Variants in UGT1A5 observed in about 807,000 individuals in gnomAD.
UGT1A5 encodes the protein UDP glucuronosyltransferase family 1 member A5, also known as UDP-glucuronosyltransferase 1A5.
A neutral mutation model predicts 40.3 loss-of-function variants in UGT1A5; 29 were observed. The ratio of observed to expected loss-of-function variants is 0.72; its 90% CI spans 0.54 to 0.98. The LOEUF is 0.98. Ranked by LOEUF, UGT1A5 falls within the 50% of genes least tolerant of loss-of-function variation. The probability of loss-of-function intolerance (pLI) is 0.00; values close to 1 mark genes in which losing one functional copy is unlikely to be tolerated. For missense variants in UGT1A5, 678 were observed against 677.9 expected (o/e 1.00, Z 0.00); for synonymous variants, 257 against 262.5 (o/e 0.98, Z 0.20).
chr2:233,750,987 C>A (rs140441181), intron 1 of UGT1A5, among the ~76,000 whole-genome samples: 5 of 151,730 alleles, frequency 3.3e-5, no homozygotes, highest in African/African-American at 1.2e-4. Context: ...TGTGAGAAGG[C>A]GGCCACCATC....
rs111385892 is a variant in UGT1A5, at chr2:233,757,128, A to T, written c.868-9906A>T. Among the ~76,000 whole-genome samples the T allele has an allele frequency of 1.2e-3, 185 of 151,286 alleles. 2 individuals carry two copies. The highest frequency in any genetic ancestry group is 4.0e-3 in the African/African-American group (165 of 41,200). On this transcript the variant is annotated intron_variant, in intron 1 of 4. Transcript: ENST00000373414. Reference sequence around the variant, plus strand: ...CAAGCAGAAGGGCTAGAGAGGAGGAATGAGCTTGGACAGGTGGGCTGGGGT... The same window carrying T: ...CAAGCAGAAGGGCTAGAGAGGAGGATTGAGCTTGGACAGGTGGGCTGGGGT...
intron 1 of UGT1A5, among the ~76,000 whole-genome samples, chr2:233,744,427 T>C (rs1221651523): frequency 2.0e-5 from 3 of 151,848 alleles, no homozygotes; most frequent in East Asian, 1.9e-4. Flanking sequence ...GTGGATTATA[T>C]CTATCATACG....
chr2:233,759,959 G>A (rs149939396), intron 1 of UGT1A5, among the ~76,000 whole-genome samples: 41 of 152,230 alleles, frequency 2.7e-4, no homozygotes, highest in African/African-American at 8.9e-4. Context: ...CTACATAGTC[G>A]TCCTTCTTCC....
intron 1 of UGT1A5, among the ~76,000 whole-genome samples, chr2:233,739,668 T>C (rs1477304196): frequency 6.6e-6 from 1 of 152,244 alleles, no homozygotes; most frequent in Non-Finnish European, 1.5e-5. Context: ...CATTGTGTCT[T>C]GGAAGTTACT....
At chr2:233,747,074 A>T (rs1478196307) in intron 1 of UGT1A5, 1 of 1,039,396 alleles carries the variant, frequency 9.6e-7, no homozygotes, top group Non-Finnish European at 1.3e-6. Flanking sequence ...GGTAATAATT[A>T]ACTAGGAGGA....
chr2:233,747,214 A>T, intron 1 of UGT1A5: 1 of 1,605,452 alleles, frequency 6.2e-7, no homozygotes, highest in Non-Finnish European at 8.5e-7. Flanking sequence ...TTCTGCTGAG[A>T]TGGCCACAGG....
chr2:233,772,846 T>C lies in UGT1A5; in HGVS notation c.*287T>C, dbSNP rs1314535454. ...AGGCTGGCATTCTAGATTACTTTTCTTACTCTGAAACATGGCCTGTTTGGG... is the reference window on the plus strand; with the variant it reads ...AGGCTGGCATTCTAGATTACTTTTCCTACTCTGAAACATGGCCTGTTTGGG... On this transcript the variant is annotated 3_prime_UTR_variant, in exon 5 of 5. Transcript: ENST00000373414. 2 of 808,282 alleles carry C rather than the reference T, an allele frequency of 2.5e-6. No individual in the cohort carries two copies. Among genetic ancestry groups the C allele is most frequent in the Non-Finnish European group, 3.5e-6 (2 of 570,582 alleles). 50.1% of individuals were successfully genotyped at this position (808,282 alleles called of 1,614,324 possible). A position where few individuals can be genotyped will look rare whatever the true frequency, so the allele number is the denominator to read the frequency against.
chr2:233,747,491 G>A, intron 1 of UGT1A5: 2 of 1,608,968 alleles, frequency 1.2e-6, no homozygotes, highest in South Asian at 2.2e-5. Flanking sequence ...ATCGCCTTGT[G>A]CTGGGCCACA....
At chr2:233,717,172 G>A (rs557885764) in intron 1 of UGT1A5, among the ~76,000 whole-genome samples, 1 of 152,170 alleles carries the variant, frequency 6.6e-6, no homozygotes, top group Non-Finnish European at 1.5e-5. Context: ...CTTGAATGTG[G>A]CAAGAGCACC....
intron 1 of UGT1A5, among the ~76,000 whole-genome samples, chr2:233,722,693 G>A (rs969109813): frequency 2.0e-5 from 3 of 151,938 alleles, no homozygotes; most frequent in Admixed American, 1.3e-4. Context: ...TCTTTTCATT[G>A]CTTTTAGATA....
At chr2:233,753,567 A>C (rs1321356357) in intron 1 of UGT1A5, 2 of 152,130 alleles carry the variant, frequency 1.3e-5, no homozygotes, top group African/African-American at 4.8e-5. Context: ...AGAAGATGGG[A>C]CCCTTTGTGA....
chr2:233,766,494 G>T (rs1250106940), intron 1 of UGT1A5, among the ~76,000 whole-genome samples: 2 of 152,182 alleles, frequency 1.3e-5, no homozygotes, highest in Non-Finnish European at 2.9e-5. Flanking sequence ...GGCGTGGCAG[G>T]CCAGGGTGGT....
At position 233,755,093 on chromosome 2, in the gene UGT1A5, C is replaced by T. The variant is rs566230339; in HGVS notation, c.868-11941C>T. 8.2e-6 allele frequency: 11 copies of T among 1,335,068 alleles called. No individual in the cohort carries two copies. The East Asian group carries it at 3.7e-4, about 44-fold the overall frequency. The allele number at this position is 1,335,068 out of a possible 1,614,324, so 82.7% of individuals were successfully genotyped here. A position where few individuals can be genotyped will look rare whatever the true frequency, so the allele number is the denominator to read the frequency against. ...AGCGGTCATAGATATCGCGTTTCTA[C>T]GCGTCCGACAACACCTCGTAGGCCT... On this transcript the variant is annotated intron_variant, in intron 1 of 4. Transcript: ENST00000373414.
rs188435252 is a variant in UGT1A5 at position 233,751,450 on chromosome 2, T to A, written c.868-15584T>A. Among the ~76,000 whole-genome samples the A allele has an allele frequency of 9.0e-3, 1,372 of 152,108 alleles. 30 individuals carry two copies. The highest frequency in any genetic ancestry group is 0.031 in the African/African-American group (1,290 of 41,366). ...GAAATGAGTTAAGACTTTGGAAGAT[T>A]GTTGGGAAGGCACGATTGGTTTTGA... On this transcript the variant is annotated intron_variant, in intron 1 of 4. Coordinates refer to ENST00000373414, the MANE Select transcript of UGT1A5 (RefSeq NM_019078.2).
chr2:233,735,959 A>G (rs1268805881), intron 1 of UGT1A5, among the ~76,000 whole-genome samples: 1 of 151,776 alleles, frequency 6.6e-6, no homozygotes, highest in Non-Finnish European at 1.5e-5. Flanking sequence ...CCTTCATTTC[A>G]ACTTTGGTGA....
chr2:233,770,939 G>A (rs923528747), intron 4 of UGT1A5: 1 of 152,144 alleles, frequency 6.6e-6, no homozygotes, highest in African/African-American at 2.4e-5. Context: ...TTGGCTGCCG[G>A]GGGAACCTCA....
At chr2:233,732,132 GT>G (rs869109259) in intron 1 of UGT1A5, among the ~76,000 whole-genome samples, 1 of 57,612 alleles carries the variant, frequency 1.7e-5, no homozygotes, top group African/African-American at 9.7e-5. Context: ...TGATGAGGTT[GT>G]TTGTTTGTTT....
At chr2:233,749,908 A>G (rs1325539824) in intron 1 of UGT1A5, among the ~76,000 whole-genome samples, 1 of 151,938 alleles carries the variant, frequency 6.6e-6, no homozygotes, top group African/African-American at 2.4e-5. Flanking sequence ...AGCCACCTGG[A>G]ACTGTGAGTC....
At chr2:233,722,834 TAAG>T (rs1329542867) in intron 1 of UGT1A5, among the ~76,000 whole-genome samples, 1 of 146,008 alleles carries the variant, frequency 6.8e-6, no homozygotes, top group Non-Finnish European at 1.5e-5. Flanking sequence ...TGTATTATAA[TAAG>T]AATGTTTCTT....
Sources: gnomAD v4.1 joint callset for allele counts (sites outside exome capture counted in the v4.1 genomes callset) on GRCh38, gnomAD v4.1.1 for gene constraint, MANE v1.5 for transcripts, NCBI Gene and HGNC (gene_info 2026-07-23, HGNC 2026-07-21) for gene names.